SLCO1B3: variants seen among roughly 807,000 people sequenced by gnomAD.
The protein encoded by SLCO1B3 is solute carrier organic anion transporter family member 1B3.
SLCO1B3 carries 72 observed loss-of-function variants against 71.8 expected under a neutral mutation model. The ratio of observed to expected loss-of-function variants is 1.00; its 90% CI spans 0.83 to 1.22. The LOEUF (loss-of-function observed/expected upper bound fraction) is 1.22, where lower values mean the gene tolerates loss of function less well. SLCO1B3 is among the 50% of genes most tolerant of loss of function. The pLI is 0.00. For missense variants in SLCO1B3, 911 were observed against 819.7 expected, an observed-to-expected ratio of 1.11 and a Z score of -1.36; for synonymous variants, 298 against 278.4, an observed-to-expected ratio of 1.07 and a Z score of -0.70.
At chr12:20,825,110 A>C (rs889620321) in intron 3 of SLCO1B3, among the ~76,000 whole-genome samples, 1 of 152,198 alleles carries the variant, frequency 6.6e-6, no homozygotes, top group Non-Finnish European at 1.5e-5. Flanking sequence ...ACCATAAGCT[A>C]TAATTTCCAT....
At chr12:20,834,465 A>G (rs1864628493) in intron 3 of SLCO1B3, among the ~76,000 whole-genome samples, 1 of 145,228 alleles carries the variant, frequency 6.9e-6, no homozygotes, top group African/African-American at 2.5e-5. Context: ...GGTAATGATT[A>G]TATATGTATA....
At chr12:20,833,307 TCTGGAGATTAGGAC>T (rs1456011216) in intron 3 of SLCO1B3, among the ~76,000 whole-genome samples, 1 of 152,006 alleles carries the variant, frequency 6.6e-6, no homozygotes, top group East Asian at 1.9e-4. Context: ...ATTTACAAGT[TCTGGAGATTAGGAC>T]CTGGATGTCT....
At chr12:20,880,202 A>T (rs1017873154) in intron 11 of SLCO1B3, among the ~76,000 whole-genome samples, 1 of 151,342 alleles carries the variant, frequency 6.6e-6, no homozygotes, top group Admixed American at 6.6e-5. Context: ...ATATCTTATG[A>T]TTTATAATTA....
chr12:20,810,872 A>G (rs150187421), intron 1 of SLCO1B3, 108 bp downstream of exon 1: 1 of 152,294 alleles, frequency 6.6e-6, no homozygotes, highest in Non-Finnish European at 1.5e-5. Context: ...TACAGATTTT[A>G]TGCTCTGTGT....
intron 3 of SLCO1B3, among the ~76,000 whole-genome samples, chr12:20,833,748 AAT>A (rs968507757): frequency 6.8e-6 from 1 of 147,776 alleles, no homozygotes; most frequent in African/African-American, 2.5e-5. Context: ...TTATTTATGT[AAT>A]ATGTATTACA....
At chr12:20,914,683 T>G (rs1191625081) in intron 15 of SLCO1B3, among the ~76,000 whole-genome samples, 1 of 152,182 alleles carries the variant, frequency 6.6e-6, no homozygotes, top group African/African-American at 2.4e-5. Context: ...TTAAGATTTC[T>G]TGCAAGGAGA....
chr12:20,884,195 A>G (rs1488088703), intron 13 of SLCO1B3, among the ~76,000 whole-genome samples: 3 of 152,186 alleles, frequency 2.0e-5, no homozygotes, highest in South Asian at 2.1e-4. Flanking sequence ...AGTAAAACCA[A>G]TAAGGTACTT....
rs146780296 is a variant in SLCO1B3, at chr12:20,877,789, A to G, written c.988A>G (p.Lys330Glu). The G allele has an allele frequency of 8.2e-5, 119 of 1,447,112 alleles. No homozygotes were observed. The African/African-American group carries it at 1.2e-3, about 15-fold the overall frequency. The allele number at this position is 1,447,112 out of a possible 1,614,324, so 89.6% of individuals were successfully genotyped here. A position where few individuals can be genotyped will look rare whatever the true frequency, so the allele number is the denominator to read the frequency against. Reference sequence around the variant, plus strand: ...CTCTATAGGTTTTTTCCAGTCTTTGAAAAGCATCCTTACCAATCCCCTGTA... The same window carrying G: ...CTCTATAGGTTTTTTCCAGTCTTTGGAAAGCATCCTTACCAATCCCCTGTA... Reference protein sequence around the residue: ...KNVTGFFQSLKSILTNPLYVI... With the variant: ...KNVTGFFQSLESILTNPLYVI... Residue 330 changes from lysine (K) to glutamate (E), a missense_variant, in exon 10 of 16, where the codon AAA becomes GAA. Transcript: ENST00000381545.
At chr12:20,878,034 ACT>A in intron 10 of SLCO1B3, 98 bp downstream of exon 10, 1 of 791,418 alleles carries the variant, frequency 1.3e-6, no homozygotes, top group Non-Finnish European at 2.0e-6. Context: ...TTTATATTTT[ACT>A]AAATGTAATC....
chr12:20,847,700 T>A (rs944994016), intron 3 of SLCO1B3, among the ~76,000 whole-genome samples: 19 of 150,618 alleles, frequency 1.3e-4, no homozygotes, highest in Admixed American at 2.0e-4. Context: ...AAGCAGAAAA[T>A]ATATATATAT....
intron 8 of SLCO1B3, among the ~76,000 whole-genome samples, chr12:20,866,424 C>A (rs1052239924): frequency 1.3e-5 from 2 of 151,054 alleles, no homozygotes; most frequent in Non-Finnish European, 1.5e-5. Context: ...TATGTAGATG[C>A]AAGATTGCTA....
chr12:20,882,159 T>C lies in SLCO1B3; in HGVS notation c.1497+1139T>C, dbSNP rs1238833870. Among the ~76,000 whole-genome samples the C allele has an allele frequency of 6.6e-5, 10 of 152,268 alleles. No individual in the cohort carries two copies. In the East Asian group the frequency reaches 1.5e-3, roughly 24 times the overall value. On this transcript the variant is annotated intron_variant, in intron 12 of 15. Transcript: ENST00000381545. ...TGAAAGAGAGGTGATATTAGTATCC[T>C]AAAGAGAGCTCTGTCTTCATGGAGA...
chr12:20,852,229 C>G (rs988141054), intron 3 of SLCO1B3, among the ~76,000 whole-genome samples: 1 of 152,062 alleles, frequency 6.6e-6, no homozygotes, highest in Non-Finnish European at 1.5e-5. Context: ...ATCCCCAGGG[C>G]TTTGGAAGTC....
chr12:20,842,413 C>G lies in SLCO1B3; in HGVS notation c.85-12615C>G, dbSNP rs566746030. ...ATCCATTGTTTTATAATCATTGTAT[C>G]TTTTAGGTTGATATATCAATATGTA... is the stretch of plus-strand genomic sequence containing the variant. On this transcript the variant is annotated intron_variant, in intron 3 of 15. Coordinates refer to ENST00000381545, the MANE Select transcript of SLCO1B3 (RefSeq NM_019844.4). Among the ~76,000 whole-genome samples, 81 of 152,034 alleles carry G rather than the reference C, an allele frequency of 5.3e-4. No homozygotes were observed. The South Asian group carries it at 0.015, about 27-fold the overall frequency.
At position 20,836,673 on chromosome 12, in the gene SLCO1B3, G is replaced by A. The variant is rs139473171; in HGVS notation, c.85-18355G>A. On this transcript the variant is annotated intron_variant, in intron 3 of 15. Transcript: ENST00000381545. ...TTTTGTTTTTTTGAGATGGAGTCTC[G>A]CTCTGTTATCCAGGCTGGAGTGCAG... Among the ~76,000 whole-genome samples the A allele has an allele frequency of 1.1e-3, 164 of 152,034 alleles. 1 individual carries two copies. Among genetic ancestry groups the A allele is most frequent in the African/African-American group, 2.3e-3 (97 of 41,496 alleles).
rs545806220 is a variant in SLCO1B3 at position 20,822,385 on chromosome 12, G to A, written c.84+6563G>A. 2.0e-5 allele frequency among the ~76,000 whole-genome samples: 3 copies of A among 152,206 alleles called. No homozygotes were observed. The East Asian group carries it at 5.8e-4, about 29-fold the overall frequency. On this transcript the variant is annotated intron_variant, in intron 3 of 15. Coordinates refer to ENST00000381545, the MANE Select transcript of SLCO1B3 (RefSeq NM_019844.4). ...GTTGTTCTCTGGTGGGCAGGGGCGGGGGTCACAAGGTGCTCGGTGGGGGAG... is the reference window on the plus strand; with the variant it reads ...GTTGTTCTCTGGTGGGCAGGGGCGGAGGTCACAAGGTGCTCGGTGGGGGAG...
Position 20,875,449 on chromosome 12 carries a change from A to G in SLCO1B3, c.942A>G (p.Gln314=). The G allele has an allele frequency of 6.2e-7, 1 of 1,602,400 alleles. No homozygotes were observed. Among genetic ancestry groups the G allele is most frequent in the Non-Finnish European group, 8.5e-7 (1 of 1,177,590 alleles). ...ATCAAACAGCTAATTTGACCAACCA[A>G]GGAAAAAATGTTACCAAAAATGTGA... is the stretch of plus-strand genomic sequence containing the variant. The part of the protein sequence containing the change: ...DRNQTANLTN[Q]GKNVTKNVTG... Residue 314 remains glutamine, a synonymous_variant, in exon 9 of 16, where the codon CAA becomes CAG. Transcript: ENST00000381545.
At chr12:20,878,142 CATAGGTGAAATTCACCTAATTCT>C (rs759101386) in intron 10 of SLCO1B3, among the ~76,000 whole-genome samples, 2 of 16,816 alleles carry the variant, frequency 1.2e-4, no homozygotes, top group Admixed American at 1.6e-3. Flanking sequence ...AATTTAATTC[CATAGGTGAAATTCACCTAATTCT>C]ATAGGTGAAA....
intron 15 of SLCO1B3, among the ~76,000 whole-genome samples, chr12:20,910,769 T>C (rs932816336): frequency 2.0e-5 from 3 of 152,158 alleles, no homozygotes; most frequent in African/African-American, 7.2e-5. Flanking sequence ...TCATTGCTGA[T>C]TTATAGGAAA....
Sources: gnomAD v4.1 joint callset for allele counts (sites outside exome capture counted in the v4.1 genomes callset) on GRCh38, gnomAD v4.1.1 for gene constraint, MANE v1.5 for transcripts, NCBI Gene and HGNC (gene_info 2026-07-23, HGNC 2026-07-21) for gene names.